P2RX5: variants seen among roughly 807,000 people sequenced by gnomAD.
The protein encoded by P2RX5 is purinergic receptor P2X 5, also known as P2X purinoceptor 5.
A neutral mutation model predicts 54.1 loss-of-function variants in P2RX5; 46 were observed. The ratio of observed to expected loss-of-function variants is 0.85; its 90% CI spans 0.67 to 1.09. The LOEUF (loss-of-function observed/expected upper bound fraction) is 1.09. Among genes scored for constraint, P2RX5 ranks in the 50% least tolerant of loss-of-function variants. P2RX5 has a pLI of 0.00. For missense variants in P2RX5, 566 were observed against 549.8 expected, an observed-to-expected ratio of 1.03 and a Z score of -0.29; for synonymous variants, 226 against 226.4, an observed-to-expected ratio of 1.00 and a Z score of 0.02.
chr17:3,701,054 C>A (rs905121588), upstream of P2RX5, among the ~76,000 whole-genome samples: 3 of 152,178 alleles, frequency 2.0e-5, no homozygotes, highest in African/African-American at 7.2e-5. Context: ...TGAGTATAAT[C>A]CCTTCCTGTT....
chr17:3,702,088 G>A, the P2RX5 span, among the ~76,000 whole-genome samples: 1 of 152,262 alleles, frequency 6.6e-6, no homozygotes, highest in East Asian at 1.9e-4. Flanking sequence ...GTCGAGTGAA[G>A]ACTTGGAGAG....
chr17:3,675,884 G>T, intron 11 of P2RX5: 1 of 985,334 alleles, frequency 1.0e-6, no homozygotes, highest in Non-Finnish European at 1.2e-6. Flanking sequence ...GAGCAGTATA[G>T]GCTTGTTGCA....
At position 3,673,309 on chromosome 17, in the gene P2RX5, C is replaced by A; in HGVS notation, c.*559G>T. On this transcript the variant is annotated 3_prime_UTR_variant, in exon 12 of 12. Coordinates refer to ENST00000225328, the MANE Select transcript of P2RX5 (RefSeq NM_002561.4). ...ATCTTGGGCAGGTCCCAGAAAGCGT[C>A]TGCCATCTCCCCCACTTTAATTCTG... is the stretch of plus-strand genomic sequence containing the variant. 1 of 992,690 alleles carries A rather than the reference C, an allele frequency of 1.0e-6. No individual in the cohort carries two copies. Among genetic ancestry groups the A allele is most frequent in the African/African-American group, 1.7e-5 (1 of 57,438 alleles). 61.5% of individuals were successfully genotyped at this position (992,690 alleles called of 1,614,324 possible). A position where few individuals can be genotyped will look rare whatever the true frequency, so the allele number is the denominator to read the frequency against.
At chr17:3,717,577 C>T in the P2RX5 span, 1 of 152,120 alleles carries the variant, frequency 6.6e-6, no homozygotes, top group South Asian at 2.1e-4. Context: ...TTAGGTGGGG[C>T]CAGAGAGCCA....
Position 3,691,644 on chromosome 17 carries a change from C to A in P2RX5, c.288G>T (p.Gln96His). 6.2e-7 allele frequency: 1 copy of A among 1,614,168 alleles called. No homozygotes were observed. Among genetic ancestry groups the A allele is most frequent in the African/African-American group, 1.3e-5 (1 of 75,052 alleles). Residue 96 changes from glutamine to histidine, a missense_variant and splice_region_variant, in exon 2 of 12, where the codon CAG becomes CAT. Physicochemically the swap from Gln to His is conservative, Grantham distance 24 (BLOSUM62 0). Coordinates refer to ENST00000225328, the MANE Select transcript of P2RX5 (RefSeq NM_002561.4). ...CCGTGTGCTAGGTGGGGACTCAGAC[C>A]TGGGCTGGAATGACGTAGTCGGCGA... ...WDVADYVIPA[Q>H]GENVFFVVTN...
intron 11 of P2RX5, chr17:3,677,802 A>G (rs780329259): frequency 6.1e-5 from 60 of 985,138 alleles, no homozygotes; most frequent in Middle Eastern, 5.2e-4. Flanking sequence ...GGGAAAATCC[A>G]AACACTCCAC....
chr17:3,691,923 T>G (rs940669025), intron 1 of P2RX5, 129 bp from the exon 2 acceptor site: 3 of 916,158 alleles, frequency 3.3e-6, no homozygotes, highest in Non-Finnish European at 5.3e-6. Context: ...GGGCTCCACC[T>G]GTCCCACCAG....
At position 3,681,724 on chromosome 17, in the gene P2RX5, C is replaced by G. The variant is rs556679817; in HGVS notation, c.1064+172G>C. ...CAGCGCCCTCTCCTCCCACTGCTGC[C>G]GAGGCCGAATCCGGTTCTGTAGAGC... On this transcript the variant is annotated intron_variant, in intron 10 of 11. Coordinates refer to ENST00000225328, the MANE Select transcript of P2RX5 (RefSeq NM_002561.4). 8.5e-5 allele frequency among the ~76,000 whole-genome samples: 13 copies of G among 152,308 alleles called. 1 individual carries two copies. The East Asian group carries it at 2.3e-3, about 27-fold the overall frequency.
intron 9 of P2RX5, among the ~76,000 whole-genome samples, chr17:3,685,236 G>T (rs975292384): frequency 1.3e-5 from 2 of 152,116 alleles, no homozygotes; most frequent in African/African-American, 2.4e-5. Flanking sequence ...GCCACGCCTC[G>T]GCTGGGGACT....
In P2RX5 at chr17:3,690,062, C is replaced by T. The variant is rs2050567620; in HGVS notation, c.614+8G>A. On this transcript the variant is annotated splice_region_variant and intron_variant, in intron 6 of 11. Transcript: ENST00000225328. Reference sequence around the variant, plus strand: ...CACCCGTGGCCCCCAGTAGCCAAGCCCACGTACTTGGAGAAGTTGAATTTG... The same window carrying T: ...CACCCGTGGCCCCCAGTAGCCAAGCTCACGTACTTGGAGAAGTTGAATTTG... The T allele has an allele frequency of 6.2e-7, 1 of 1,612,918 alleles. No individual in the cohort carries two copies. Among genetic ancestry groups the T allele is most frequent in the Non-Finnish European group, 8.5e-7 (1 of 1,179,012 alleles).
the P2RX5 span, among the ~76,000 whole-genome samples, chr17:3,716,351 CAAGT>C: frequency 6.6e-6 from 1 of 152,140 alleles, no homozygotes. Context: ...AGGCCTCTTC[CAAGT>C]AAGTTATAAA....
At position 3,688,508 on chromosome 17, in the gene P2RX5, C is replaced by A. The variant is rs1261331719; in HGVS notation, c.887+118G>T. On this transcript the variant is annotated intron_variant, in intron 8 of 11. Coordinates refer to ENST00000225328, the MANE Select transcript of P2RX5 (RefSeq NM_002561.4). ...CCACACCTCTCCTGGGCCATCTGTC[C>A]CTGCACCTCCCGCTCTGACACCCAC... is the stretch of plus-strand genomic sequence containing the variant. The A allele has an allele frequency of 1.6e-5, 18 of 1,120,684 alleles. No individual in the cohort carries two copies. The Middle Eastern group carries it at 9.4e-4, about 58-fold the overall frequency. 69.4% of individuals were successfully genotyped at this position (1,120,684 alleles called of 1,614,324 possible). A position where few individuals can be genotyped will look rare whatever the true frequency, so the allele number is the denominator to read the frequency against.
At chr17:3,705,499 G>A in the P2RX5 span, among the ~76,000 whole-genome samples, 1 of 152,062 alleles carries the variant, frequency 6.6e-6, no homozygotes, top group Non-Finnish European at 1.5e-5. Context: ...TCTCCTTCAT[G>A]AAGGCCTCCT....
chr17:3,695,507 G>A (rs2050732111), intron 1 of P2RX5, among the ~76,000 whole-genome samples: 1 of 152,132 alleles, frequency 6.6e-6, no homozygotes, highest in Admixed American at 6.5e-5. Context: ...AGGCTCCTGG[G>A]GCGACAGCTG....
chr17:3,705,277 C>A, the P2RX5 span, among the ~76,000 whole-genome samples: 4 of 152,132 alleles, frequency 2.6e-5, no homozygotes, highest in African/African-American at 4.8e-5. Context: ...CCACGAATGC[C>A]CGTGTCTTCC....
At chr17:3,704,728 C>T in the P2RX5 span, among the ~76,000 whole-genome samples, 2 of 152,120 alleles carry the variant, frequency 1.3e-5, no homozygotes, top group East Asian at 1.9e-4. Flanking sequence ...AGATTCAGGC[C>T]GGGTGTGGTG....
intron 11 of P2RX5, chr17:3,675,638 G>A: frequency 2.3e-6 from 2 of 866,166 alleles, no homozygotes; most frequent in Non-Finnish European, 2.8e-6. Flanking sequence ...TGCAACCTCT[G>A]CCTCCCAGGT....
the P2RX5 span, among the ~76,000 whole-genome samples, chr17:3,704,935 G>A: frequency 6.6e-6 from 1 of 152,210 alleles, no homozygotes; most frequent in Non-Finnish European, 1.5e-5. Context: ...GAACCTGGGA[G>A]ACAGAGGTTG....
chr17:3,707,858 A>G, the P2RX5 span, among the ~76,000 whole-genome samples: 1 of 152,042 alleles, frequency 6.6e-6, no homozygotes, highest in Non-Finnish European at 1.5e-5. Flanking sequence ...GGAGATCGAG[A>G]TCATCCTGGC....
Sources: gnomAD v4.1 joint callset for allele counts (sites outside exome capture counted in the v4.1 genomes callset) on GRCh38, gnomAD v4.1.1 for gene constraint, MANE v1.5 for transcripts, NCBI Gene and HGNC (gene_info 2026-07-23, HGNC 2026-07-21) for gene names.